The following USP42 variants were observed in gnomAD, a reference collection of about 807,000 sequenced individuals.
The protein encoded by USP42 is ubiquitin carboxyl-terminal hydrolase 42.
USP42 carries 23 observed loss-of-function variants against 113.0 expected under a neutral mutation model. The ratio of observed to expected loss-of-function variants is 0.20; its 90% CI spans 0.15 to 0.29. The LOEUF is 0.29. USP42 is among the 10% of genes least tolerant of loss of function. USP42 has a pLI of 1.00. For synonymous variants in USP42, 933 were observed against 699.0 expected, an observed-to-expected ratio of 1.33 and a Z score of -5.28; for missense variants, 2,174 against 1,779.8, an observed-to-expected ratio of 1.22 and a Z score of -3.99.
At chr7:6,087,126 T>C in the USP42 span, among the ~76,000 whole-genome samples, 7 of 140,668 alleles carry the variant, frequency 5.0e-5, no homozygotes, top group East Asian at 1.3e-3. Flanking sequence ...CTGCCTCCCA[T>C]GTTCAAGCGA....
intron 3 of USP42, among the ~76,000 whole-genome samples, chr7:6,125,852 G>C (rs1278002386): frequency 7.1e-6 from 1 of 140,458 alleles, no homozygotes; most frequent in Non-Finnish European, 1.6e-5. Context: ...TCTTTATTTT[G>C]CTTTTTTTAA....
chr7:6,094,661 A>T, the USP42 span, among the ~76,000 whole-genome samples: 4 of 151,170 alleles, frequency 2.6e-5, no homozygotes, highest in Non-Finnish European at 5.9e-5. Context: ...TGAGCAGATG[A>T]TGGAGACACC....
chr7:6,096,573 A>C, the USP42 span, among the ~76,000 whole-genome samples: 2 of 151,290 alleles, frequency 1.3e-5, no homozygotes, highest in Non-Finnish European at 2.9e-5. Context: ...AGCTGGTTTA[A>C]ACTAACAAGG....
Position 6,145,647 on chromosome 7 carries a change from C to G in USP42, c.1122C>G (p.Cys374Trp). 1 of 1,613,726 alleles carries G rather than the reference C, an allele frequency of 6.2e-7. No individual in the cohort carries two copies. The highest frequency in any genetic ancestry group is 8.5e-7 in the Non-Finnish European group (1 of 1,179,708). Residue 374 changes from cysteine to tryptophan, a missense_variant, in exon 10 of 18, where the codon TGC becomes TGG. Coordinates refer to ENST00000306177, the MANE Select transcript of USP42 (RefSeq NM_032172.3). ...GFNCHAGHYF[C>W]YIKASNGLWY... ...ATTGCCATGCTGGCCATTACTTCTG[C>G]TACATAAAAGTAAGCTGTGCAGATT...
intron 3 of USP42, among the ~76,000 whole-genome samples, chr7:6,133,679 CT>C (rs1319988323): frequency 6.6e-6 from 1 of 151,932 alleles, no homozygotes; most frequent in Non-Finnish European, 1.5e-5. Flanking sequence ...GCCACCACAC[CT>C]GGCTAATTTT....
chr7:6,139,828 A>G lies in USP42; in HGVS notation c.657-300A>G, dbSNP rs576903857. 28 of 461,782 alleles carry G rather than the reference A, an allele frequency of 6.1e-5. No individual in the cohort carries two copies. Among genetic ancestry groups the G allele is most frequent in the Non-Finnish European group, 8.6e-5 (22 of 254,378 alleles). The allele number at this position is 461,782 out of a possible 1,614,324, so 28.6% of individuals were successfully genotyped here. On this transcript the variant is annotated intron_variant, in intron 5 of 17. Coordinates refer to ENST00000306177, the MANE Select transcript of USP42 (RefSeq NM_032172.3). The surrounding 1 kb of genome is among the most constrained non-coding windows in gnomAD (Gnocchi z 4.5). ...CTCCCTTTCCTCCCACACAGGCCGCAGTGCCCGGAGGCTGCCATCTTCCTG... is the reference window on the plus strand; with the variant it reads ...CTCCCTTTCCTCCCACACAGGCCGCGGTGCCCGGAGGCTGCCATCTTCCTG...
rs1782208289 is a variant in USP42, at chr7:6,153,749, G to C, written c.2202-7G>C. The stretch of plus-strand genomic sequence containing the variant: ...AACGGGCGTGTTTGTTTGTTTGGGG[G>C]CTGCAGTGCACCTGGAGCAGAGAGG... On this transcript the variant is annotated splice_region_variant and splice_polypyrimidine_tract_variant and intron_variant, in intron 14 of 17. Transcript: ENST00000306177. 1 of 1,445,738 alleles carries C rather than the reference G, an allele frequency of 6.9e-7. No homozygotes were observed. Among genetic ancestry groups the C allele is most frequent in the Non-Finnish European group, 9.1e-7 (1 of 1,097,430 alleles). The allele number at this position is 1,445,738 out of a possible 1,614,324, so 89.6% of individuals were successfully genotyped here.
the USP42 span, among the ~76,000 whole-genome samples, chr7:6,085,603 AAT>A: frequency 7.0e-5 from 10 of 143,312 alleles, no homozygotes; most frequent in Non-Finnish European, 7.5e-5. Flanking sequence ...AATATATACA[AAT>A]ATATATATAT....
the USP42 span, among the ~76,000 whole-genome samples, chr7:6,086,407 G>A: frequency 3.3e-5 from 5 of 150,424 alleles, no homozygotes; most frequent in East Asian, 2.0e-4. Context: ...GGATTTCACC[G>A]TGTTAGCCAG....
chr7:6,105,871 T>A (rs1255715528), intron 1 of USP42, among the ~76,000 whole-genome samples: 1 of 152,198 alleles, frequency 6.6e-6, no homozygotes, highest in African/African-American at 2.4e-5. Context: ...TTAATGACTC[T>A]TAGGAGGCCG....
At chr7:6,092,402 C>G in the USP42 span, among the ~76,000 whole-genome samples, 2 of 150,672 alleles carry the variant, frequency 1.3e-5, no homozygotes, top group Non-Finnish European at 2.9e-5. Flanking sequence ...TGGTCTTGAA[C>G]TCCTGACCTC....
intron 3 of USP42, among the ~76,000 whole-genome samples, chr7:6,119,214 CA>C (rs906657551): frequency 2.0e-5 from 3 of 151,220 alleles, no homozygotes; most frequent in African/African-American, 7.3e-5. Flanking sequence ...GATGCTGTCT[CA>C]AAAAAAAAGT....
chr7:6,092,051 T>C, the USP42 span, among the ~76,000 whole-genome samples: 2 of 70,190 alleles, frequency 2.8e-5, no homozygotes, highest in African/African-American at 4.7e-5. Flanking sequence ...CTTCTTCTTC[T>C]TCTTTCTTCT....
chr7:6,106,311 T>A (rs558659878), intron 1 of USP42, among the ~76,000 whole-genome samples: 2 of 152,344 alleles, frequency 1.3e-5, no homozygotes, highest in African/African-American at 4.8e-5. Context: ...TTACATTGTT[T>A]ACGAAGAAGC....
At chr7:6,103,156 G>A (rs1030205572), upstream of USP42, among the ~76,000 whole-genome samples, 11 of 151,060 alleles carry the variant, frequency 7.3e-5, no homozygotes, top group African/African-American at 2.5e-4. Context: ...TAGGCCTCGA[G>A]GTGGAGACAG....
Position 6,157,157 on chromosome 7 carries a change from A to C in USP42, c.3943+102A>C. On this transcript the variant is annotated intron_variant, in intron 16 of 17. Transcript: ENST00000306177. This position sits in a 1 kb window ranked among gnomAD's most constrained non-coding sequence, Gnocchi z 4.1. ...TAGAAAGAAAACCTCAGGTGGCATC[A>C]AAGGGCACAGTTACTCAGAGCACCC... 5 of 1,444,558 alleles carry C rather than the reference A, an allele frequency of 3.5e-6. No individual in the cohort carries two copies. The highest frequency in any genetic ancestry group is 4.5e-6 in the Non-Finnish European group (5 of 1,105,008). The allele number at this position is 1,444,558 out of a possible 1,614,324, so 89.5% of individuals were successfully genotyped here.
chr7:6,083,839 G>A, the USP42 span, among the ~76,000 whole-genome samples: 3 of 150,472 alleles, frequency 2.0e-5, no homozygotes, highest in Admixed American at 6.6e-5. Flanking sequence ...AGAGCTGTTC[G>A]GGGAGAAGTT....
intron 4 of USP42, 24 bp downstream of exon 4, chr7:6,135,975 T>C (rs1781120266): frequency 5.6e-6 from 8 of 1,434,226 alleles, no homozygotes; most frequent in South Asian, 1.3e-5. Context: ...ATTGTAGTTT[T>C]ATATTTGTAT....
rs370606288 is a variant in USP42, at chr7:6,159,956, C to G, written c.*36+463C>G. Among the ~76,000 whole-genome samples, 16 of 152,348 alleles carry G rather than the reference C, an allele frequency of 1.1e-4. No individual in the cohort carries two copies. The East Asian group carries it at 3.1e-3, about 29-fold the overall frequency. Reference sequence around the variant, plus strand: ...GGCACTGAGCTGGAGCCAGCACCCCCCCAGCAGCCACCGTACAAAACCATA... The same window carrying G: ...GGCACTGAGCTGGAGCCAGCACCCCGCCAGCAGCCACCGTACAAAACCATA... On this transcript the variant is annotated intron_variant, in intron 17 of 17. Coordinates refer to ENST00000306177, the MANE Select transcript of USP42 (RefSeq NM_032172.3). The surrounding 1 kb of genome is among the most constrained non-coding windows in gnomAD (Gnocchi z 4.1).
Sources: gnomAD v4.1 joint callset for allele counts (sites outside exome capture counted in the v4.1 genomes callset) on GRCh38, gnomAD v4.1.1 for gene constraint, Gnocchi (gnomAD v3.1) non-coding constraint, MANE v1.5 for transcripts, NCBI Gene and HGNC (gene_info 2026-07-23, HGNC 2026-07-21) for gene names.